The following PHACTR1 variants were observed in gnomAD, a reference collection of about 807,000 sequenced individuals.
PHACTR1 encodes the protein phosphatase and actin regulator 1, also known as RPEL repeat containing 1.
A neutral mutation model predicts 69.2 loss-of-function variants in PHACTR1; 16 were observed. The ratio of observed to expected loss-of-function variants is 0.23; its 90% confidence interval spans 0.16 to 0.35. PHACTR1 has a LOEUF of 0.35. PHACTR1 is among the 10% of genes least tolerant of loss of function. PHACTR1 has a pLI of 1.00. For missense variants in PHACTR1, 510 were observed against 734.7 expected, an observed-to-expected ratio of 0.69 and a Z score of 3.54; for synonymous variants, 312 against 284.5, an observed-to-expected ratio of 1.10 and a Z score of -0.97.
At chr6:13,142,152 A>T in intron 5 of PHACTR1, among the ~76,000 whole-genome samples, 1 of 152,208 alleles carries the variant, frequency 6.6e-6, no homozygotes, top group East Asian at 1.9e-4. Flanking sequence ...GAAATTTAAG[A>T]AGAAAAAAGA....
At chr6:12,724,925 C>T (rs577767424) in intron 3 of PHACTR1, among the ~76,000 whole-genome samples, 5 of 152,224 alleles carry the variant, frequency 3.3e-5, no homozygotes, top group African/African-American at 1.2e-4. Context: ...CTAGTGACTC[C>T]TGCTAATGAT....
intron 4 of PHACTR1, among the ~76,000 whole-genome samples, chr6:12,948,251 A>G (rs889123174): frequency 5.9e-5 from 9 of 152,196 alleles, no homozygotes; most frequent in African/African-American, 2.2e-4. Flanking sequence ...AGCCCCTGAG[A>G]TTATTTGGAT....
At chr6:12,861,104 T>C (rs1194664253) in intron 4 of PHACTR1, among the ~76,000 whole-genome samples, 1 of 152,212 alleles carries the variant, frequency 6.6e-6, no homozygotes, top group Admixed American at 6.5e-5. Context: ...CTAAATAAAT[T>C]AGTAATGAAC....
chr6:13,030,379 A>G (rs1802283958), intron 4 of PHACTR1, among the ~76,000 whole-genome samples: 1 of 152,228 alleles, frequency 6.6e-6, no homozygotes, highest in South Asian at 2.1e-4. Context: ...TATTATAGCT[A>G]ACGGGGAGGA....
intron 5 of PHACTR1, among the ~76,000 whole-genome samples, chr6:13,134,086 C>G (rs1002264366): frequency 6.6e-6 from 1 of 151,404 alleles, no homozygotes. Flanking sequence ...AAGTGAGGAG[C>G]CCCTCCGCCC....
intron 3 of PHACTR1, among the ~76,000 whole-genome samples, chr6:12,736,315 T>C (rs949338336): frequency 6.6e-6 from 1 of 152,222 alleles, no homozygotes; most frequent in Non-Finnish European, 1.5e-5. Context: ...TAATTAGTGA[T>C]GTTGTACTGG....
chr6:13,132,754 C>T (rs1820676865), intron 5 of PHACTR1, among the ~76,000 whole-genome samples: 1 of 151,184 alleles, frequency 6.6e-6, no homozygotes, highest in Admixed American at 6.6e-5. Context: ...AGTGAATGAT[C>T]ATCGGAGGCT....
At chr6:13,228,879 A>G (rs187463664) in intron 9 of PHACTR1, among the ~76,000 whole-genome samples, 129 of 152,336 alleles carry the variant, frequency 8.5e-4, no homozygotes, top group African/African-American at 2.8e-3. Context: ...CTCATGTTCT[A>G]AAACTAGTGG....
intron 4 of PHACTR1, among the ~76,000 whole-genome samples, chr6:12,959,176 CAAAAAAAAAAAAAAAAAAAG>C (rs1192612119): frequency 4.3e-5 from 2 of 46,258 alleles, no homozygotes; most frequent in Non-Finnish European, 7.7e-5. Flanking sequence ...GACTTTATCT[CAAAAAAAAAAAAAAAAAAAG>C]AAAAGAAAAA....
intron 5 of PHACTR1, among the ~76,000 whole-genome samples, chr6:13,113,853 C>G (rs1583417700): frequency 1.3e-5 from 2 of 152,088 alleles, no homozygotes; most frequent in East Asian, 3.8e-4. Flanking sequence ...AGTTCTAAGA[C>G]TAAAGTTGTA....
intron 7 of PHACTR1, among the ~76,000 whole-genome samples, chr6:13,191,692 A>G (rs9349501): frequency 0.34 from 52,484 of 152,134 alleles, 9,743 homozygotes; most frequent in East Asian, 0.61. Flanking sequence ...GCTGCTCCTG[A>G]CTTGGCCCTT....
chr6:13,186,399 G>C (rs1762832778), intron 7 of PHACTR1, among the ~76,000 whole-genome samples: 1 of 152,160 alleles, frequency 6.6e-6, no homozygotes, highest in East Asian at 1.9e-4. Flanking sequence ...ATGGATCAGG[G>C]TTTACTTGAC....
chr6:13,148,931 A>G (rs555350944), intron 5 of PHACTR1, among the ~76,000 whole-genome samples: 4 of 152,338 alleles, frequency 2.6e-5, no homozygotes, highest in Non-Finnish European at 5.9e-5. Context: ...AGTTTCTACC[A>G]AGACCACAGG....
chr6:12,881,914 A>C (rs1489864981), intron 4 of PHACTR1, among the ~76,000 whole-genome samples: 1 of 152,198 alleles, frequency 6.6e-6, no homozygotes, highest in Admixed American at 6.5e-5. Flanking sequence ...GTTTGGGATA[A>C]AGGAAGAGTA....
At chr6:12,928,922 G>C (rs550507405) in intron 4 of PHACTR1, among the ~76,000 whole-genome samples, 12 of 152,314 alleles carry the variant, frequency 7.9e-5, no homozygotes, top group Admixed American at 6.5e-4. Flanking sequence ...GGTGATTCAG[G>C]AAAAAGCTCC....
At chr6:13,135,088 CA>C (rs952210133) in intron 5 of PHACTR1, among the ~76,000 whole-genome samples, 23 of 152,322 alleles carry the variant, frequency 1.5e-4, no homozygotes, top group Admixed American at 1.2e-3. Context: ...CCCACTAGCT[CA>C]CTGCTCTGAC....
intron 5 of PHACTR1, among the ~76,000 whole-genome samples, chr6:13,094,300 C>CG (rs1554126561): frequency 6.9e-6 from 1 of 145,166 alleles, no homozygotes; most frequent in South Asian, 2.2e-4. Flanking sequence ...GATAAAGTGT[C>CG]TTTTTTTTTT....
chr6:13,220,971 T>A (rs561241124), intron 8 of PHACTR1, among the ~76,000 whole-genome samples: 1 of 152,312 alleles, frequency 6.6e-6, no homozygotes, highest in East Asian at 1.9e-4. Flanking sequence ...CCTGTAATTA[T>A]AACATAATGT....
intron 4 of PHACTR1, among the ~76,000 whole-genome samples, chr6:13,006,828 G>C (rs73366226): frequency 5.3e-5 from 8 of 152,126 alleles, no homozygotes; most frequent in Non-Finnish European, 1.2e-4. Flanking sequence ...TCATCACTGC[G>C]TCACTTCAGA....
Sources: allele counts gnomAD v4.1 joint callset (sites outside exome capture counted in the v4.1 genomes callset), GRCh38; gene constraint gnomAD v4.1.1; transcripts MANE v1.5; gene names NCBI Gene and HGNC (gene_info 2026-07-23, HGNC 2026-07-21).